PVALEF: variants seen among roughly 807,000 people sequenced by gnomAD.
The protein encoded by PVALEF is parvalbumin like EF-hand containing.
In PVALEF, 2 loss-of-function variants were observed where a neutral mutation model predicts 1.2. The ratio of observed to expected loss-of-function variants is 1.68; its 90% CI spans 0.69 to 5.28. PVALEF has a LOEUF of 5.28. Ranked by LOEUF, PVALEF falls within the 30% of genes most tolerant of loss-of-function variation. PVALEF has a pLI of 0.06. For missense variants in PVALEF, 35 were observed against 17.7 expected (o/e 1.97, Z -1.75); for synonymous variants, 16 against 6.5 (o/e 2.47, Z -2.24).
At chr17:81,178,859 C>T in intron 2 of PVALEF, 59 bp from the exon 3 acceptor site, 1 of 231,050 alleles carries the variant, frequency 4.3e-6, no homozygotes, top group Non-Finnish European at 9.1e-6. Flanking sequence ...CCCAGCTGGC[C>T]TCGGTCACCT....
At chr17:81,169,820 CTGTG>C (rs938925520) in intron 2 of PVALEF, among the ~76,000 whole-genome samples, 10 of 149,218 alleles carry the variant, frequency 6.7e-5, no homozygotes, top group African/African-American at 9.9e-5. Context: ...ATATGTGTGT[CTGTG>C]TGTGTCTGTC....
In PVALEF at chr17:81,183,146, A is replaced by G; in HGVS notation, c.*135A>G. On this transcript the variant is annotated 3_prime_UTR_variant, in exon 7 of 7. Transcript: ENST00000637878. ...GACCCAGCTTTTGAAGGAAAATGGA[A>G]GAAAAGCAGCATTAAGTGAATGACG... The G allele has an allele frequency of 2.5e-6, 1 of 395,528 alleles. No homozygotes were observed. The highest frequency in any genetic ancestry group is 1.3e-4 in the South Asian group (1 of 7,580). The allele number at this position is 395,528 out of a possible 1,614,324, so 24.5% of individuals were successfully genotyped here. A position where few individuals can be genotyped will look rare whatever the true frequency, so the allele number is the denominator to read the frequency against.
Position 81,165,556 on chromosome 17 carries a change from C to T in PVALEF, c.-699C>T. Reference sequence around the variant, plus strand: ...GCCTCCCACGCCAGGGCCCCGGACCCAGGAGAGGCCATGGAAAGCCTGAAC... The same window carrying T: ...GCCTCCCACGCCAGGGCCCCGGACCTAGGAGAGGCCATGGAAAGCCTGAAC... On this transcript the variant is annotated 5_prime_UTR_variant, in exon 1 of 7. Coordinates refer to ENST00000637878, the MANE Select transcript of PVALEF (RefSeq NM_001354639.2). 1 of 1,083,804 alleles carries T rather than the reference C, an allele frequency of 9.2e-7. No homozygotes were observed. The highest frequency in any genetic ancestry group is 1.3e-5 in the South Asian group (1 of 75,540). The allele number at this position is 1,083,804 out of a possible 1,614,324, so 67.1% of individuals were successfully genotyped here. A position where few individuals can be genotyped will look rare whatever the true frequency, so the allele number is the denominator to read the frequency against.
chr17:81,166,441 TG>T (rs1455484112), intron 1 of PVALEF, among the ~76,000 whole-genome samples: 4 of 50,370 alleles, frequency 7.9e-5, no homozygotes, highest in Non-Finnish European at 1.4e-4. Context: ...TGGCACGGAG[TG>T]GGGGGATGGT....
At position 81,170,838 on chromosome 17, in the gene PVALEF, C is replaced by CT. The variant is rs898266770; in HGVS notation, c.-340+3996dup. On this transcript the variant is annotated intron_variant, in intron 2 of 6. Transcript: ENST00000637878. ...CATGCCCCTCCACCATCTTGGCCCT[C>CT]TTAGAGGCATCTCTAGGGTGCTTGG... Among the ~76,000 whole-genome samples, 211 of 152,218 alleles carry CT rather than the reference C, an allele frequency of 1.4e-3. 2 individuals carry two copies. The highest frequency in any genetic ancestry group is 4.8e-3 in the African/African-American group (201 of 41,558).
intron 3 of PVALEF, among the ~76,000 whole-genome samples, chr17:81,180,701 G>A (rs2061550760): frequency 6.6e-6 from 1 of 152,180 alleles, no homozygotes; most frequent in African/African-American, 2.4e-5. Context: ...GGGGCGCCAG[G>A]GTTGGGTTGC....
chr17:81,180,887 C>T (rs983116371), intron 3 of PVALEF, among the ~76,000 whole-genome samples: 3 of 152,292 alleles, frequency 2.0e-5, no homozygotes, highest in Admixed American at 6.5e-5. Context: ...CTTCCCCTTG[C>T]GCTCTGAGAT....
Position 81,179,551 on chromosome 17 carries a change from G to A in PVALEF, c.-105+399G>A, listed in dbSNP as rs111464682. On this transcript the variant is annotated intron_variant, in intron 3 of 6. Coordinates refer to ENST00000637878, the MANE Select transcript of PVALEF (RefSeq NM_001354639.2). ...TAAGTGGGGATGGAGATGGGGTGGG[G>A]CTGGCAGGGCAGCGAGTCCAAGGCC... Among the ~76,000 whole-genome samples the A allele has an allele frequency of 8.1e-3, 1,240 of 152,288 alleles. 21 individuals carry two copies. The highest frequency in any genetic ancestry group is 0.029 in the African/African-American group (1,186 of 41,562).
chr17:81,177,110 A>G (rs1264607718), intron 2 of PVALEF, among the ~76,000 whole-genome samples: 2 of 151,422 alleles, frequency 1.3e-5, no homozygotes, highest in Non-Finnish European at 2.9e-5. Flanking sequence ...TATTTTTAGT[A>G]GAGACAGGGT....
chr17:81,182,723 C>A (rs1300372677), intron 6 of PVALEF, among the ~76,000 whole-genome samples: 1 of 152,234 alleles, frequency 6.6e-6, no homozygotes, highest in Non-Finnish European at 1.5e-5. Flanking sequence ...AGCCCCCAGT[C>A]CCCAGCTGGG....
intron 3 of PVALEF, 126 bp from the exon 4 acceptor site, chr17:81,180,997 C>T (rs959604284): frequency 3.6e-5 from 18 of 502,044 alleles, no homozygotes; most frequent in South Asian, 8.2e-5. Context: ...CAGGATGGCC[C>T]GGCCCCTCCC....
chr17:81,179,181 G>T, intron 3 of PVALEF, 29 bp downstream of exon 3: 1 of 316,874 alleles, frequency 3.2e-6, no homozygotes, highest in South Asian at 2.3e-5. Flanking sequence ...GGGGGTGTGG[G>T]TCTCTGGCCG....
chr17:81,181,610 C>T lies in PVALEF; in HGVS notation c.158C>T (p.Ser53Leu), dbSNP rs1021308933. 1.2e-5 allele frequency: 5 copies of T among 423,030 alleles called. No homozygotes were observed. Among genetic ancestry groups the T allele is most frequent in the Admixed American group, 4.3e-5 (1 of 23,130 alleles). 26.2% of individuals were successfully genotyped at this position (423,030 alleles called of 1,614,324 possible). ...AAGCACATCCGCAAGCTCCACGCCT[C>T]GGGCCAGCTGGACGACGCCATCCAC... Reference protein sequence around the residue: ...FFKHIRKLHASGQLDDAIHTA... With the variant: ...FFKHIRKLHALGQLDDAIHTA... The change falls in exon 5 of 7, where the codon TCG (serine) becomes TTG (leucine). Residue 53 changes from serine to leucine, a missense_variant. Physicochemically the swap from Ser to Leu is moderately radical, Grantham distance 145. Transcript: ENST00000637878.
At chr17:81,167,059 A>AAG in intron 2 of PVALEF, among the ~76,000 whole-genome samples, 1 of 152,172 alleles carries the variant, frequency 6.6e-6, no homozygotes, top group East Asian at 1.9e-4. Flanking sequence ...TTGGGAGGCC[A>AAG]GGGCAGGCGG....
intron 2 of PVALEF, among the ~76,000 whole-genome samples, chr17:81,169,951 CGT>C (rs1204621484): frequency 9.6e-5 from 14 of 145,570 alleles, no homozygotes; most frequent in South Asian, 2.2e-4. Flanking sequence ...TGTGTAGGCA[CGT>C]GTGTCGGTGT....
At chr17:81,178,527 C>T (rs895762093) in intron 2 of PVALEF, among the ~76,000 whole-genome samples, 1 of 152,136 alleles carries the variant, frequency 6.6e-6, no homozygotes, top group Admixed American at 6.5e-5. Flanking sequence ...CCCATATGAA[C>T]TTGGAGCCTC....
At chr17:81,180,468 C>T (rs1189039858) in intron 3 of PVALEF, among the ~76,000 whole-genome samples, 3 of 152,198 alleles carry the variant, frequency 2.0e-5, no homozygotes, top group South Asian at 4.1e-4. Context: ...TCACCACCAC[C>T]CTGCTGGCTG....
In PVALEF at chr17:81,172,527, C is replaced by T. The variant is rs562372665; in HGVS notation, c.-340+5683C>T. On this transcript the variant is annotated intron_variant, in intron 2 of 6. Coordinates refer to ENST00000637878, the MANE Select transcript of PVALEF (RefSeq NM_001354639.2). Reference sequence around the variant, plus strand: ...GCGTGGCAGCTCATGCCTGTAATCCCGGCACTTTGGGAGGCCGAGGCAGGA... The same window carrying T: ...GCGTGGCAGCTCATGCCTGTAATCCTGGCACTTTGGGAGGCCGAGGCAGGA... Among the ~76,000 whole-genome samples, 88 of 152,288 alleles carry T rather than the reference C, an allele frequency of 5.8e-4. No individual in the cohort carries two copies. The South Asian group carries it at 0.016, about 28-fold the overall frequency.
At chr17:81,180,415 G>A (rs910613722) in intron 3 of PVALEF, among the ~76,000 whole-genome samples, 1 of 152,046 alleles carries the variant, frequency 6.6e-6, no homozygotes, top group African/African-American at 2.4e-5. Flanking sequence ...GGCGGGGCCT[G>A]TCCTGAGGGC....
Sources: gnomAD v4.1 joint callset for allele counts (sites outside exome capture counted in the v4.1 genomes callset) on GRCh38, gnomAD v4.1.1 for gene constraint, MANE v1.5 for transcripts, NCBI Gene and HGNC (gene_info 2026-07-23, HGNC 2026-07-21) for gene names.